The following LHFPL3 variants were observed in gnomAD, a reference collection of about 807,000 sequenced individuals.
LHFPL3 encodes LHFPL tetraspan subfamily member 3, also known as LHFPL tetraspan subfamily member 3 protein.
In LHFPL3, 5 loss-of-function variants were observed where a neutral mutation model predicts 19.3. The observed-to-expected ratio is 0.26, with a 90% CI of 0.14 to 0.54. The LOEUF is 0.54. Among genes scored for constraint, LHFPL3 ranks in the 20% least tolerant of loss-of-function variants. The pLI, the probability that LHFPL3 is intolerant of heterozygous loss-of-function variation, is 0.94. For missense variants in LHFPL3, 249 were observed against 307.4 expected, an observed-to-expected ratio of 0.81 and a Z score of 1.42; for synonymous variants, 133 against 126.2, an observed-to-expected ratio of 1.05 and a Z score of -0.36.
chr7:104,337,839 A>G (rs977002975), intron 1 of LHFPL3, among the ~76,000 whole-genome samples: 1 of 152,230 alleles, frequency 6.6e-6, no homozygotes, highest in Non-Finnish European at 1.5e-5. Flanking sequence ...GTGATGCCAA[A>G]TATGAGCTGA....
intron 1 of LHFPL3, chr7:104,668,369 C>T: frequency 6.3e-7 from 1 of 1,594,018 alleles, no homozygotes; most frequent in Non-Finnish European, 8.6e-7. Flanking sequence ...CTACAGACAC[C>T]TTTGATGACT....
chr7:104,365,797 A>AAAAAAAAG (rs1554381871), intron 1 of LHFPL3, among the ~76,000 whole-genome samples: 1 of 125,968 alleles, frequency 7.9e-6, no homozygotes, highest in Non-Finnish European at 1.6e-5. Flanking sequence ...CAAAAAAAAA[A>AAAAAAAAG]AAAAAAAAGA....
At chr7:104,690,007 T>TA (rs35928936) in intron 1 of LHFPL3, among the ~76,000 whole-genome samples, 16 of 151,580 alleles carry the variant, frequency 1.1e-4, no homozygotes, top group South Asian at 6.3e-4. Flanking sequence ...TGCCTCTACC[T>TA]AAAAAAAAAT....
intron 1 of LHFPL3, among the ~76,000 whole-genome samples, chr7:104,542,803 T>A (rs1794512751): frequency 6.6e-6 from 1 of 152,120 alleles, no homozygotes; most frequent in Non-Finnish European, 1.5e-5. Flanking sequence ...CATTACTGAG[T>A]ATATACCCAA....
At chr7:104,387,568 A>G (rs1262855647) in intron 1 of LHFPL3, among the ~76,000 whole-genome samples, 2 of 152,168 alleles carry the variant, frequency 1.3e-5, no homozygotes, top group African/African-American at 4.8e-5. Context: ...TGTGGACATC[A>G]TCAAGCATAC....
intron 1 of LHFPL3, among the ~76,000 whole-genome samples, chr7:104,567,192 C>T (rs1185071273): frequency 6.6e-6 from 1 of 152,170 alleles, no homozygotes; most frequent in East Asian, 1.9e-4. Context: ...AGAAATCACT[C>T]ATATTTTTAT....
chr7:104,378,749 T>C (rs988674050), intron 1 of LHFPL3, among the ~76,000 whole-genome samples: 3 of 152,254 alleles, frequency 2.0e-5, no homozygotes, highest in Non-Finnish European at 4.4e-5. Context: ...TGACTAGTGA[T>C]GATGTTAAGC....
At chr7:104,371,987 C>T (rs1326655541) in intron 1 of LHFPL3, among the ~76,000 whole-genome samples, 6 of 152,194 alleles carry the variant, frequency 3.9e-5, no homozygotes, top group African/African-American at 1.2e-4. Context: ...GGATTGCTAA[C>T]GGCCAGTTAA....
intron 1 of LHFPL3, among the ~76,000 whole-genome samples, chr7:104,409,037 T>C (rs1791481488): frequency 6.7e-6 from 1 of 149,862 alleles, no homozygotes; most frequent in Non-Finnish European, 1.5e-5. Context: ...GCTAATTTTT[T>C]TTTTTTTTTT....
chr7:104,603,307 C>CA (rs747402187), intron 1 of LHFPL3, among the ~76,000 whole-genome samples: 16 of 151,816 alleles, frequency 1.1e-4, no homozygotes, highest in Non-Finnish European at 1.5e-4. Flanking sequence ...GCAGTCCTCC[C>CA]ACCTGAACCT....
rs768782891 is a variant in LHFPL3, at chr7:104,329,091, C to A, written c.312C>A (p.Ala104=). Residue 104 remains alanine, a synonymous_variant, in exon 1 of 3, where the codon GCC becomes GCA. Transcript: ENST00000424859. ...FTDFSTLPSG[A]FKAASFFIGL... ...ACTTCTCCACGCTGCCCTCGGGCGC[C>A]TTCAAAGCCGCCTCCTTCTTTATCG... The A allele has an allele frequency of 6.8e-6, 11 of 1,614,090 alleles. No individual in the cohort carries two copies. The East Asian group carries it at 2.5e-4, about 36-fold the overall frequency.
chr7:104,417,884 C>CTTTTTTTTTTT (rs762794916), intron 1 of LHFPL3, among the ~76,000 whole-genome samples: 3 of 117,762 alleles, frequency 2.5e-5, no homozygotes, highest in Non-Finnish European at 3.5e-5. Flanking sequence ...TCTTCTTCTT[C>CTTTTTTTTTTT]TTTTTTTTTT....
chr7:104,622,592 G>A (rs10238529), intron 1 of LHFPL3, among the ~76,000 whole-genome samples: 6,704 of 152,040 alleles, frequency 0.044, 170 homozygotes, highest in African/African-American at 0.063. Flanking sequence ...ATACCCATTA[G>A]CAATCACTTC....
At chr7:104,465,326 T>C (rs976667053) in intron 1 of LHFPL3, among the ~76,000 whole-genome samples, 3 of 152,220 alleles carry the variant, frequency 2.0e-5, no homozygotes, top group Admixed American at 6.5e-5. Flanking sequence ...CTTCCTGTCT[T>C]CTTCTGAGTC....
At chr7:104,609,135 C>T (rs542301191) in intron 1 of LHFPL3, among the ~76,000 whole-genome samples, 7 of 151,908 alleles carry the variant, frequency 4.6e-5, no homozygotes, top group South Asian at 2.1e-4. Flanking sequence ...CATGGTGGTG[C>T]GCACCTGTAA....
intron 2 of LHFPL3, among the ~76,000 whole-genome samples, chr7:104,816,119 C>A (rs900630779): frequency 6.6e-6 from 1 of 152,100 alleles, no homozygotes; most frequent in African/African-American, 2.4e-5. Context: ...AGATCCCATC[C>A]CAAAAGAACA....
At chr7:104,591,053 C>T (rs1223070982) in intron 1 of LHFPL3, among the ~76,000 whole-genome samples, 5 of 152,010 alleles carry the variant, frequency 3.3e-5, no homozygotes, top group Admixed American at 2.6e-4. Flanking sequence ...CTGATGGGTC[C>T]TGACTCTTTA....
At chr7:104,393,723 G>GAA (rs202183806) in intron 1 of LHFPL3, among the ~76,000 whole-genome samples, 2 of 151,098 alleles carry the variant, frequency 1.3e-5, no homozygotes, top group African/African-American at 4.9e-5. Context: ...CTCAAAAAAA[G>GAA]AAAAAAAATC....
At chr7:104,741,843 G>A (rs944991010) in intron 2 of LHFPL3, among the ~76,000 whole-genome samples, 2 of 152,150 alleles carry the variant, frequency 1.3e-5, no homozygotes, top group Non-Finnish European at 2.9e-5. Context: ...AATGTCCAGT[G>A]CCAACTAACT....
Sources: allele counts gnomAD v4.1 joint callset (sites outside exome capture counted in the v4.1 genomes callset), GRCh38; gene constraint gnomAD v4.1.1; transcripts MANE v1.5; gene names NCBI Gene and HGNC (gene_info 2026-07-23, HGNC 2026-07-21).